The following NR6A1 variants were observed in gnomAD, a reference collection of about 807,000 sequenced individuals.
The protein encoded by NR6A1 is nuclear receptor subfamily 6 group A member 1, also known as retinoic acid receptor-related testis-associated receptor.
NR6A1 carries 7 observed loss-of-function variants against 59.1 expected under a neutral mutation model. That is an observed-to-expected ratio of 0.12 (90% CI 0.07 to 0.22). NR6A1 has a LOEUF of 0.22. Among genes scored for constraint, NR6A1 ranks in the 10% least tolerant of loss-of-function variants. NR6A1 has a pLI of 1.00. For synonymous variants in NR6A1, 243 were observed against 236.1 expected (o/e 1.03, Z -0.27); for missense variants, 468 against 611.6 (o/e 0.77, Z 2.48).
At chr9:124,732,298 T>C (rs534531229) in intron 2 of NR6A1, among the ~76,000 whole-genome samples, 2 of 152,328 alleles carry the variant, frequency 1.3e-5, no homozygotes, top group Non-Finnish European at 1.5e-5. Flanking sequence ...GACCATCTCA[T>C]GGAATCTCAA....
intron 1 of NR6A1, among the ~76,000 whole-genome samples, chr9:124,745,270 C>T (rs1381792810): frequency 6.7e-6 from 1 of 149,410 alleles, no homozygotes; most frequent in Non-Finnish European, 1.5e-5. Context: ...AAAAAAAACA[C>T]TTTGGTCCAT....
chr9:124,758,247 C>G (rs925089274), intron 1 of NR6A1, among the ~76,000 whole-genome samples: 11 of 152,194 alleles, frequency 7.2e-5, no homozygotes, highest in Non-Finnish European at 2.9e-5. Context: ...TGCAGCTACC[C>G]TGCTACACTC....
chr9:124,736,358 T>C (rs950143024), intron 1 of NR6A1, among the ~76,000 whole-genome samples: 3 of 152,002 alleles, frequency 2.0e-5, no homozygotes, highest in Non-Finnish European at 4.4e-5. Context: ...ACAAAGAAAA[T>C]ACTAAGTAAA....
intron 2 of NR6A1, among the ~76,000 whole-genome samples, chr9:124,634,480 T>A (rs1017270054): frequency 6.6e-6 from 1 of 152,206 alleles, no homozygotes; most frequent in African/African-American, 2.4e-5. Context: ...TCCATCAAAG[T>A]TTTCCTTCAT....
Position 124,766,384 on chromosome 9 carries a change from C to A in NR6A1, c.100+4636G>T, listed in dbSNP as rs539749417. Among the ~76,000 whole-genome samples the A allele has an allele frequency of 5.3e-5, 8 of 152,304 alleles. 1 individual carries two copies. In the South Asian group the frequency reaches 1.7e-3, roughly 32 times the overall value. ...TTACAAAGAGTTGGGTATATCAGAT[C>A]ACTACTTATGTGGGCAGATTAGATA... is the stretch of plus-strand genomic sequence containing the variant. On this transcript the variant is annotated intron_variant, in intron 1 of 9. Transcript: ENST00000487099.
chr9:124,640,705 C>T (rs1028866427), intron 2 of NR6A1, among the ~76,000 whole-genome samples: 1 of 151,836 alleles, frequency 6.6e-6, no homozygotes, highest in South Asian at 2.1e-4. Flanking sequence ...ACCCCCAGTC[C>T]AATCTTTTTT....
chr9:124,610,954 C>T (rs1316527778), intron 2 of NR6A1, among the ~76,000 whole-genome samples: 1 of 152,088 alleles, frequency 6.6e-6, no homozygotes, highest in African/African-American at 2.4e-5. Flanking sequence ...CTTTTGACCC[C>T]AAATAACTTT....
chr9:124,611,018 C>A (rs922921770), intron 2 of NR6A1, among the ~76,000 whole-genome samples: 22 of 152,060 alleles, frequency 1.4e-4, no homozygotes, highest in Non-Finnish European at 2.8e-4. Context: ...TGGAAGTATC[C>A]TTTTCCTGAC....
At chr9:124,663,182 T>C (rs977147696) in intron 2 of NR6A1, among the ~76,000 whole-genome samples, 3 of 152,224 alleles carry the variant, frequency 2.0e-5, no homozygotes, top group Non-Finnish European at 4.4e-5. Flanking sequence ...ACTTGGTTTA[T>C]GGTCAAGACC....
At chr9:124,742,746 C>G (rs980176283) in intron 1 of NR6A1, among the ~76,000 whole-genome samples, 3 of 151,734 alleles carry the variant, frequency 2.0e-5, no homozygotes, top group Non-Finnish European at 4.4e-5. Flanking sequence ...CATGGTGGTA[C>G]GCGCCTGTAG....
chr9:124,685,537 C>G (rs1210344154), intron 2 of NR6A1, among the ~76,000 whole-genome samples: 3 of 152,082 alleles, frequency 2.0e-5, no homozygotes, highest in Non-Finnish European at 4.4e-5. Context: ...CTTATGTTGC[C>G]CTGGCTGGTC....
chr9:124,581,281 G>A (rs1834756010), intron 2 of NR6A1, among the ~76,000 whole-genome samples: 1 of 152,130 alleles, frequency 6.6e-6, no homozygotes, highest in South Asian at 2.1e-4. Context: ...AAACTAAAGA[G>A]CTTCTGCACA....
chr9:124,637,383 G>A (rs1222703891), intron 2 of NR6A1, among the ~76,000 whole-genome samples: 1 of 152,136 alleles, frequency 6.6e-6, no homozygotes, highest in African/African-American at 2.4e-5. Context: ...TCCTATAGGT[G>A]GGAATAACAC....
intron 1 of NR6A1, among the ~76,000 whole-genome samples, chr9:124,750,593 T>C (rs1343670970): frequency 6.6e-6 from 1 of 152,006 alleles, no homozygotes; most frequent in Non-Finnish European, 1.5e-5. Context: ...ACCCCGTCTC[T>C]ACTAAAAATA....
rs1835806456 is a variant in NR6A1 at position 124,613,297 on chromosome 9, T to A, written c.143-58727A>T. Among the ~76,000 whole-genome samples the A allele has an allele frequency of 2.0e-5, 3 of 152,286 alleles. No homozygotes were observed. In the South Asian group the frequency reaches 6.2e-4, roughly 32 times the overall value. ...CTGCAGTGAGCTAAGAAGGTGCTAC[T>A]GCACTCCAGCATGGGCAAGAGAGCA... is the stretch of plus-strand genomic sequence containing the variant. On this transcript the variant is annotated intron_variant, in intron 2 of 9. Coordinates refer to ENST00000487099, the MANE Select transcript of NR6A1 (RefSeq NM_033334.4).
rs1403190266 is a variant in NR6A1 at position 124,522,764 on chromosome 9, G to A, written c.1384C>T (p.Leu462=). ...GKMVNVPLEQ[L]PLLFKVVLHS... is the part of the protein sequence containing the mutation. ...AGCACCACCTTAAAGAGGAGGGGCAGCTGCTCCAGGGGCACATTCACCATC... is the reference window on the plus strand; with the variant it reads ...AGCACCACCTTAAAGAGGAGGGGCAACTGCTCCAGGGGCACATTCACCATC... The change falls in exon 10 of 10, where the codon CTG becomes TTG. Residue 462 remains leucine (L), a synonymous_variant. Coordinates refer to ENST00000487099, the MANE Select transcript of NR6A1 (RefSeq NM_033334.4). The A allele has an allele frequency of 1.9e-6, 3 of 1,593,388 alleles. No individual in the cohort carries two copies. The highest frequency in any genetic ancestry group is 1.1e-5 in the South Asian group (1 of 87,300).
At chr9:124,534,787 A>C (rs750450926) in intron 7 of NR6A1, among the ~76,000 whole-genome samples, 7 of 152,166 alleles carry the variant, frequency 4.6e-5, no homozygotes, top group African/African-American at 7.2e-5. Flanking sequence ...AATAGGCACA[A>C]CACCACCTAT....
At chr9:124,591,770 A>G (rs1031025984) in intron 2 of NR6A1, among the ~76,000 whole-genome samples, 13 of 152,190 alleles carry the variant, frequency 8.5e-5, no homozygotes, top group African/African-American at 2.4e-4. Flanking sequence ...ACAGCTGTGC[A>G]GTGTGAACAC....
chr9:124,538,905 TAAAA>T (rs11346135), intron 5 of NR6A1, among the ~76,000 whole-genome samples: 1 of 141,800 alleles, frequency 7.1e-6, no homozygotes, highest in African/African-American at 2.6e-5. Context: ...GTCAACTAAT[TAAAA>T]AAAAAAAAAA....
Sources: allele counts gnomAD v4.1 joint callset (sites outside exome capture counted in the v4.1 genomes callset), GRCh38; gene constraint gnomAD v4.1.1; transcripts MANE v1.5; gene names NCBI Gene and HGNC (gene_info 2026-07-23, HGNC 2026-07-21).